The following KIF26B variants were observed in gnomAD, a reference collection of about 807,000 sequenced individuals.
KIF26B encodes kinesin-like protein KIF26B.
KIF26B carries 63 observed loss-of-function variants against 151.2 expected under a neutral mutation model. The ratio of observed to expected loss-of-function variants is 0.42; its 90% CI spans 0.34 to 0.51. The LOEUF is 0.51. KIF26B is among the 20% of genes least tolerant of loss of function. KIF26B has a pLI of 0.07. For missense variants in KIF26B, 2,813 were observed against 2,913.6 expected (o/e 0.97, Z 0.79); for synonymous variants, 1,357 against 1,262.1 (o/e 1.08, Z -1.59).
At chr1:245,592,872 A>G (rs960545316) in intron 5 of KIF26B, among the ~76,000 whole-genome samples, 3 of 152,162 alleles carry the variant, frequency 2.0e-5, no homozygotes, top group African/African-American at 7.2e-5. Context: ...TGGTTCTGTA[A>G]TGGTAACTAT....
At chr1:245,421,682 C>CAAATT (rs1658490833) in intron 4 of KIF26B, among the ~76,000 whole-genome samples, 1 of 151,974 alleles carries the variant, frequency 6.6e-6, no homozygotes. Flanking sequence ...ACAAGGCAAC[C>CAAATT]CAGAAGATTT....
intron 9 of KIF26B, among the ~76,000 whole-genome samples, chr1:245,626,286 G>A (rs1299005379): frequency 6.6e-6 from 1 of 150,998 alleles, no homozygotes; most frequent in African/African-American, 2.4e-5. Context: ...TCTCGTTTTA[G>A]TTTTTTTTTG....
chr1:245,549,491 G>A (rs1193030961), intron 5 of KIF26B, among the ~76,000 whole-genome samples: 1 of 152,152 alleles, frequency 6.6e-6, no homozygotes, highest in African/African-American at 2.4e-5. Context: ...AACATTCCCA[G>A]CATCTTATCT....
rs183304055 is a variant in KIF26B, at chr1:245,332,095, C to T, written c.466-34739C>T. 3.5e-4 allele frequency among the ~76,000 whole-genome samples: 54 copies of T among 152,210 alleles called. 1 individual carries two copies. The highest frequency in any genetic ancestry group is 3.5e-3 in the Admixed American group (54 of 15,298). On this transcript the variant is annotated intron_variant, in intron 2 of 14. Transcript: ENST00000407071. ...GAGCCAAGATGGCACCACTGCATTC[C>T]AGCTGGGGCGACAGAACAAGACTCT...
intron 2 of KIF26B, among the ~76,000 whole-genome samples, chr1:245,267,684 A>AC (rs1670773445): frequency 4.0e-5 from 6 of 148,582 alleles, no homozygotes; most frequent in Admixed American, 6.7e-5. Flanking sequence ...ACACACACAC[A>AC]AAAGGAGAAA....
At chr1:245,383,486 G>A (rs1326246505) in intron 3 of KIF26B, among the ~76,000 whole-genome samples, 2 of 152,128 alleles carry the variant, frequency 1.3e-5, no homozygotes, top group Admixed American at 6.6e-5. Context: ...TCAAGACAAC[G>A]GTGTCTTGTT....
At chr1:245,396,216 T>A (rs1673837886) in intron 3 of KIF26B, among the ~76,000 whole-genome samples, 1 of 152,200 alleles carries the variant, frequency 6.6e-6, no homozygotes, top group Non-Finnish European at 1.5e-5. Flanking sequence ...GGGAATATAA[T>A]GTTAGACAGA....
At chr1:245,424,102 C>T (rs1486998083) in intron 4 of KIF26B, among the ~76,000 whole-genome samples, 1 of 152,116 alleles carries the variant, frequency 6.6e-6, no homozygotes, top group African/African-American at 2.4e-5. Flanking sequence ...CCTTGGCCTC[C>T]CATAGTGCTG....
rs58163033 is a variant in KIF26B at position 245,662,965 on chromosome 1, CTT to C, written c.2258+16697_2258+16698del. Among the ~76,000 whole-genome samples the C allele has an allele frequency of 5.0e-3, 727 of 146,506 alleles. 5 individuals carry two copies. Among genetic ancestry groups the C allele is most frequent in the African/African-American group, 0.016 (646 of 39,710 alleles). On this transcript the variant is annotated intron_variant, in intron 10 of 14. Transcript: ENST00000407071. ...TTGCTTGCTCTCAGGTCACCTCTGT[CTT>C]TTTTTTTTTTTCTCTCTTATTCTCT...
chr1:245,603,853 G>A (rs537148915), intron 6 of KIF26B, among the ~76,000 whole-genome samples: 64 of 152,318 alleles, frequency 4.2e-4, no homozygotes, highest in Middle Eastern at 3.4e-3. Flanking sequence ...AGGCTGGGGT[G>A]GAGAATTGGG....
At position 245,367,447 on chromosome 1, in the gene KIF26B, C is replaced by A; in HGVS notation, c.999+80C>A. 1 of 1,292,542 alleles carries A rather than the reference C, an allele frequency of 7.7e-7. No homozygotes were observed. Among genetic ancestry groups the A allele is most frequent in the Non-Finnish European group, 1.1e-6 (1 of 947,054 alleles). The allele number at this position is 1,292,542 out of a possible 1,614,324, so 80.1% of individuals were successfully genotyped here. A position where few individuals can be genotyped will look rare whatever the true frequency, so the allele number is the denominator to read the frequency against. On this transcript the variant is annotated intron_variant, in intron 3 of 14. Coordinates refer to ENST00000407071, the MANE Select transcript of KIF26B (RefSeq NM_018012.4). The surrounding 1 kb of genome is among the most constrained non-coding windows in gnomAD (Gnocchi z 4.2). ...AAGTAGGCAGCACTTCCTTCCGCTG[C>A]CTCCTCCCGGGAACCCTGTAACTCA...
At chr1:245,551,936 T>G (rs1406692692) in intron 5 of KIF26B, among the ~76,000 whole-genome samples, 3 of 152,154 alleles carry the variant, frequency 2.0e-5, no homozygotes, top group Non-Finnish European at 2.9e-5. Context: ...AGATGACTGA[T>G]CTGCGTAATT....
chr1:245,159,402 T>A (rs563485208), intron 2 of KIF26B, among the ~76,000 whole-genome samples: 61 of 152,314 alleles, frequency 4.0e-4, no homozygotes, highest in Admixed American at 9.8e-4. Context: ...TGACATTGGG[T>A]AAATTAGTTT....
chr1:245,481,113 A>G (rs940400124), intron 4 of KIF26B, among the ~76,000 whole-genome samples: 1 of 151,928 alleles, frequency 6.6e-6, no homozygotes, highest in Non-Finnish European at 1.5e-5. Flanking sequence ...AATGCCACCT[A>G]TAAGTGCCAT....
intron 9 of KIF26B, 50 bp downstream of exon 9, chr1:245,612,026 C>T: frequency 6.6e-7 from 1 of 1,521,924 alleles, no homozygotes; most frequent in East Asian, 2.3e-5. Context: ...CTGGCCCCAG[C>T]CAGAAATCCC....
intron 2 of KIF26B, among the ~76,000 whole-genome samples, chr1:245,222,408 G>C (rs891387709): frequency 6.6e-6 from 1 of 152,150 alleles, no homozygotes; most frequent in Non-Finnish European, 1.5e-5. Context: ...TTGCCCTCCA[G>C]CCTGGGTGAC....
At chr1:245,455,644 G>A (rs1011807584) in intron 4 of KIF26B, among the ~76,000 whole-genome samples, 4 of 152,208 alleles carry the variant, frequency 2.6e-5, no homozygotes, top group East Asian at 1.9e-4. Flanking sequence ...TTCTTCTCCC[G>A]TCATTGAGAA....
At chr1:245,161,711 C>G (rs1182765022) in intron 2 of KIF26B, among the ~76,000 whole-genome samples, 1 of 152,052 alleles carries the variant, frequency 6.6e-6, no homozygotes, top group Admixed American at 6.5e-5. Context: ...ATTCCAAGTG[C>G]TTGATGTGGT....
At position 245,629,539 on chromosome 1, in the gene KIF26B, G is replaced by A. The variant is rs141712557; in HGVS notation, c.2099-16582G>A. 3.9e-3 allele frequency among the ~76,000 whole-genome samples: 586 copies of A among 152,018 alleles called. 4 individuals carry two copies. The highest frequency in any genetic ancestry group is 0.013 in the African/African-American group (541 of 41,482). The stretch of plus-strand genomic sequence containing the variant: ...TAAATGGTACTGGGAAAAGCTAGCC[G>A]TATGCAGAAAACTAAAACTGGACCC... On this transcript the variant is annotated intron_variant, in intron 9 of 14. Coordinates refer to ENST00000407071, the MANE Select transcript of KIF26B (RefSeq NM_018012.4).
Sources: allele counts gnomAD v4.1 joint callset (sites outside exome capture counted in the v4.1 genomes callset), GRCh38; gene constraint gnomAD v4.1.1; non-coding constraint Gnocchi (gnomAD v3.1); transcripts MANE v1.5; gene names NCBI Gene and HGNC (gene_info 2026-07-23, HGNC 2026-07-21).